The following AGBL3 variants were observed in gnomAD, a reference collection of about 807,000 sequenced individuals.
AGBL3 encodes the protein AGBL carboxypeptidase 3.
Under a neutral mutation model 94.5 loss-of-function variants are expected in AGBL3, and 68 were observed. The observed-to-expected ratio is 0.72, with a 90% CI of 0.59 to 0.88. The LOEUF (loss-of-function observed/expected upper bound fraction) is 0.88. Among genes scored for constraint, AGBL3 ranks in the 40% least tolerant of loss-of-function variants. The probability of loss-of-function intolerance (pLI) is 0.00; values close to 1 mark genes in which losing one functional copy is unlikely to be tolerated. For synonymous variants in AGBL3, 354 were observed against 370.7 expected (o/e 0.95, Z 0.52); for missense variants, 934 against 1,103.8 (o/e 0.85, Z 2.18).
intron 1 of AGBL3, among the ~76,000 whole-genome samples, 162 bp from the exon 2 acceptor site, chr7:134,987,713 C>T (rs543497251): frequency 2.2e-4 from 34 of 152,162 alleles, no homozygotes; most frequent in African/African-American, 8.2e-4. Context: ...TGGAAAATTC[C>T]TTTAACTCTT....
In AGBL3 at chr7:135,043,191, G is replaced by A. The variant is rs115588072; in HGVS notation, c.1501-834G>A. Among the ~76,000 whole-genome samples, 1,274 of 152,166 alleles carry A rather than the reference G, an allele frequency of 8.4e-3. 22 individuals are homozygous for A. Among genetic ancestry groups the A allele is most frequent in the African/African-American group, 0.029 (1,203 of 41,524 alleles). Reference sequence around the variant, plus strand: ...ATCAAGAATTAATCAACTTTTGGAAGCAACCTAAGTGTACATTAGCAGATG... The same window carrying A: ...ATCAAGAATTAATCAACTTTTGGAAACAACCTAAGTGTACATTAGCAGATG... On this transcript the variant is annotated intron_variant, in intron 8 of 16. Transcript: ENST00000436302.
At position 135,080,194 on chromosome 7, in the gene AGBL3, T is replaced by C. The variant is rs760550224; in HGVS notation, c.1981-9T>C. 1.3e-6 allele frequency: 2 copies of C among 1,538,742 alleles called. No individual in the cohort carries two copies. Among genetic ancestry groups the C allele is most frequent in the Non-Finnish European group, 8.8e-7 (1 of 1,135,996 alleles). ...TAGCATTGTTTTCTTTGATTCTACA[T>C]TCCATTAGGTTTATGATAGAGGGCA... On this transcript the variant is annotated splice_polypyrimidine_tract_variant and intron_variant, in intron 13 of 16. Transcript: ENST00000436302.
intron 8 of AGBL3, 38 bp downstream of exon 8, chr7:135,037,618 A>G: frequency 2.0e-6 from 3 of 1,475,996 alleles, no homozygotes; most frequent in Non-Finnish European, 2.7e-6. Context: ...TCCTTTATCA[A>G]ATGTTGCCCA....
intron 15 of AGBL3, among the ~76,000 whole-genome samples, chr7:135,090,985 A>T (rs534535129): frequency 1.7e-3 from 266 of 152,262 alleles, no homozygotes; most frequent in Non-Finnish European, 3.0e-3. Context: ...AGTGGAGTCC[A>T]GGCAGCTCCT....
chr7:135,007,135 A>G (rs1812490733), intron 4 of AGBL3, among the ~76,000 whole-genome samples: 2 of 151,870 alleles, frequency 1.3e-5, no homozygotes, highest in South Asian at 4.1e-4. Flanking sequence ...ACAATTCCTA[A>G]TTCTTCAAAA....
intron 12 of AGBL3, among the ~76,000 whole-genome samples, chr7:135,069,222 T>C (rs1454179997): frequency 6.6e-6 from 1 of 152,176 alleles, no homozygotes; most frequent in Non-Finnish European, 1.5e-5. Context: ...CCCAGATTCA[T>C]AAAGCAAGTC....
At chr7:134,999,240 T>G (rs1466380816) in intron 4 of AGBL3, among the ~76,000 whole-genome samples, 1 of 152,160 alleles carries the variant, frequency 6.6e-6, no homozygotes, top group Non-Finnish European at 1.5e-5. Context: ...CATCTACCTC[T>G]GGGGGTGCAA....
At chr7:135,007,482 C>T (rs1812539178) in intron 4 of AGBL3, among the ~76,000 whole-genome samples, 1 of 151,874 alleles carries the variant, frequency 6.6e-6, no homozygotes, top group South Asian at 2.1e-4. Flanking sequence ...AAATCCTACA[C>T]CCTTTCATGA....
intron 3 of AGBL3, among the ~76,000 whole-genome samples, chr7:134,990,615 A>T (rs531770097): frequency 2.4e-4 from 37 of 152,218 alleles, no homozygotes; most frequent in Non-Finnish European, 7.3e-5. Flanking sequence ...ATCCCTAGGA[A>T]TAGTATTATT....
At chr7:135,112,020 A>G (rs1405875903) in intron 15 of AGBL3, among the ~76,000 whole-genome samples, 1 of 152,040 alleles carries the variant, frequency 6.6e-6, no homozygotes, top group Non-Finnish European at 1.5e-5. Flanking sequence ...TACTGCCATC[A>G]TCCAGTTATC....
chr7:135,053,510 G>C (rs1017247376), intron 11 of AGBL3, among the ~76,000 whole-genome samples: 1 of 152,196 alleles, frequency 6.6e-6, no homozygotes, highest in Non-Finnish European at 1.5e-5. Flanking sequence ...GGGAGGCTGA[G>C]GCAGGAGAAT....
At chr7:135,078,930 A>G (rs1820695825) in intron 13 of AGBL3, among the ~76,000 whole-genome samples, 2 of 152,200 alleles carry the variant, frequency 1.3e-5, no homozygotes. Context: ...TTTGCTTATA[A>G]GAAGACATCA....
chr7:135,034,637 C>G lies in AGBL3; in HGVS notation c.1046C>G (p.Ser349Cys). 1.3e-6 allele frequency: 2 copies of G among 1,551,684 alleles called. No individual in the cohort carries two copies. Among genetic ancestry groups the G allele is most frequent in the Non-Finnish European group, 1.7e-6 (2 of 1,146,960 alleles). The change falls in exon 7 of 17, where the codon TCT (serine) becomes TGT (cysteine). Residue 349 changes from serine (S) to cysteine (C), a missense_variant. Around this residue, in one of 3 missense-constraint regions of AGBL3, gnomAD observed 488 missense variants for 563.6 expected, o/e 0.87. Transcript: ENST00000436302. ...ILTITTPLKN[S>C]DSRKRKAVIL... Reference sequence around the variant, plus strand: ...ACAATCACTACCCCCTTGAAGAACTCTGACTCAAGAAAGCGGAAGGCTGTG... The same window carrying G: ...ACAATCACTACCCCCTTGAAGAACTGTGACTCAAGAAAGCGGAAGGCTGTG...
At chr7:135,076,131 C>A (rs529812919) in intron 12 of AGBL3, among the ~76,000 whole-genome samples, 3 of 152,184 alleles carry the variant, frequency 2.0e-5, no homozygotes, top group African/African-American at 7.2e-5. Flanking sequence ...AGCTTTAAAG[C>A]GAGAATATAT....
At chr7:135,056,792 G>A (rs1329396153) in intron 11 of AGBL3, among the ~76,000 whole-genome samples, 4 of 152,096 alleles carry the variant, frequency 2.6e-5, no homozygotes, top group Non-Finnish European at 4.4e-5. Flanking sequence ...AGATGATATT[G>A]TTAAGATGTC....
chr7:135,114,727 C>T (rs1253198266), intron 15 of AGBL3, among the ~76,000 whole-genome samples: 1 of 152,184 alleles, frequency 6.6e-6, no homozygotes, highest in Non-Finnish European at 1.5e-5. Context: ...TGAAGCCTTC[C>T]AAGAGATCTC....
chr7:135,128,839 T>C, intron 16 of AGBL3: 1 of 1,177,544 alleles, frequency 8.5e-7, no homozygotes, highest in Non-Finnish European at 1.3e-6. Context: ...GTGCAGGATG[T>C]GGAATCATTG....
intron 4 of AGBL3, among the ~76,000 whole-genome samples, chr7:134,999,639 T>A (rs1170349386): frequency 6.6e-6 from 1 of 152,242 alleles, no homozygotes; most frequent in East Asian, 1.9e-4. Context: ...CTAAATTCCA[T>A]GGTGATTTCC....
chr7:135,119,211 T>C (rs889585987), intron 16 of AGBL3, among the ~76,000 whole-genome samples: 2 of 151,474 alleles, frequency 1.3e-5, no homozygotes, highest in Non-Finnish European at 2.9e-5. Flanking sequence ...AAGAAATTCA[T>C]GCCAAGATAC....
Sources: gnomAD v4.1 joint callset for allele counts (sites outside exome capture counted in the v4.1 genomes callset) on GRCh38, gnomAD v4.1.1 for gene constraint, gnomAD v4.1.1 regional missense constraint, MANE v1.5 for transcripts, NCBI Gene and HGNC (gene_info 2026-07-23, HGNC 2026-07-21) for gene names.